GPRIN1: variants seen among roughly 807,000 people sequenced by gnomAD.
GPRIN1 encodes G protein regulated inducer of neurite outgrowth 1.
A neutral mutation model predicts 2.8 loss-of-function variants in GPRIN1; 4 were observed. That is an observed-to-expected ratio of 1.45 (90% CI 0.71 to 3.32). GPRIN1 has a LOEUF of 3.32. Ranked by LOEUF, GPRIN1 falls within the 30% of genes most tolerant of loss-of-function variation. GPRIN1 has a pLI of 0.01. For synonymous variants in GPRIN1, 589 were observed against 589.9 expected (o/e 1.00, Z 0.02); for missense variants, 1,322 against 1,343.4 (o/e 0.98, Z 0.25).
At position 176,598,565 on chromosome 5, in the gene GPRIN1, T is replaced by G. The variant is rs1759091775; in HGVS notation, c.1270A>C (p.Met424Leu). 1 of 1,614,118 alleles carries G rather than the reference T, an allele frequency of 6.2e-7. No homozygotes were observed. Among genetic ancestry groups the G allele is most frequent in the Non-Finnish European group, 8.5e-7 (1 of 1,180,026 alleles). The change falls in exon 2 of 2, where the codon ATG (methionine) becomes CTG (leucine). Residue 424 changes from methionine (M) to leucine (L), a missense_variant. Met to Leu is a conservative substitution (Grantham distance 15, BLOSUM62 2). Coordinates refer to ENST00000303991, the MANE Select transcript of GPRIN1 (RefSeq NM_052899.3). Reference sequence around the variant, plus strand: ...GGCTTTCCTGAGCACATGGGGTCCATCTTTCCCAGAGAAACTGGATCCACC... The same window carrying G: ...GGCTTTCCTGAGCACATGGGGTCCAGCTTTCCCAGAGAAACTGGATCCACC... ...GKVDPVSLGK[M>L]DPMCSGKPEL...
At chr5:176,604,854 C>T (rs1410775084) in intron 1 of GPRIN1, among the ~76,000 whole-genome samples, 1 of 152,054 alleles carries the variant, frequency 6.6e-6, no homozygotes, top group South Asian at 2.1e-4. Flanking sequence ...CTGCCTCAGC[C>T]TCCCAAGTAG....
At position 176,597,441 on chromosome 5, in the gene GPRIN1, C is replaced by G; in HGVS notation, c.2394G>C (p.Pro798=). ...PRTRDNFTKA[P]SWEASAPPPP... ...GCGGCGGGGCGCTCGCCTCCCACGA[C>G]GGCGCCTTGGTGAAGTTGTCGCGAG... is the stretch of plus-strand genomic sequence containing the variant. Residue 798 remains proline (P), a synonymous_variant, in exon 2 of 2, where the codon CCG becomes CCC. Coordinates refer to ENST00000303991, the MANE Select transcript of GPRIN1 (RefSeq NM_052899.3). The surrounding 1 kb of genome is among the most constrained non-coding windows in gnomAD (Gnocchi z 6.1). 2 of 1,305,324 alleles carry G rather than the reference C, an allele frequency of 1.5e-6. No homozygotes were observed. The highest frequency in any genetic ancestry group is 4.7e-5 in the South Asian group (2 of 42,330). The allele number at this position is 1,305,324 out of a possible 1,614,324, so 80.9% of individuals were successfully genotyped here. A position where few individuals can be genotyped will look rare whatever the true frequency, so the allele number is the denominator to read the frequency against.
chr5:176,596,483 A>G lies in GPRIN1; in HGVS notation c.*325T>C, dbSNP rs1581155576. On this transcript the variant is annotated 3_prime_UTR_variant, in exon 2 of 2. Coordinates refer to ENST00000303991, the MANE Select transcript of GPRIN1 (RefSeq NM_052899.3). The surrounding 1 kb of genome is among the most constrained non-coding windows in gnomAD (Gnocchi z 5.2). ...TCTAGACATCTCAGGAGCCTGCCCCAGCTCTCAGGGGGTGGGAGGTGAGGG... is the reference window on the plus strand; with the variant it reads ...TCTAGACATCTCAGGAGCCTGCCCCGGCTCTCAGGGGGTGGGAGGTGAGGG... 1.1e-5 allele frequency: 2 copies of G among 175,076 alleles called. No individual in the cohort carries two copies. The highest frequency in any genetic ancestry group is 2.9e-4 in the East Asian group (2 of 7,006). 10.8% of individuals were successfully genotyped at this position (175,076 alleles called of 1,614,324 possible). A position where few individuals can be genotyped will look rare whatever the true frequency, so the allele number is the denominator to read the frequency against.
intron 1 of GPRIN1, among the ~76,000 whole-genome samples, chr5:176,600,318 G>C (rs1180685086): frequency 6.6e-6 from 1 of 151,978 alleles, no homozygotes. Flanking sequence ...GGTCAGGCTG[G>C]TTTCGAACTC....
In GPRIN1 at chr5:176,599,427, T is replaced by C. The variant is rs773941381; in HGVS notation, c.408A>G (p.Lys136=). ...TGTCATCTGAGGATTTGGGCTCAGT[T>C]TTCACGGAGGACACAGGCTCTGGCT... ...SGKPEPVSSV[K]TEPKSSDDRN... The change falls in exon 2 of 2, where the codon AAA becomes AAG. Residue 136 remains lysine (K), a synonymous_variant. Coordinates refer to ENST00000303991, the MANE Select transcript of GPRIN1 (RefSeq NM_052899.3). 6.2e-7 allele frequency: 1 copy of C among 1,614,246 alleles called. No homozygotes were observed. The highest frequency in any genetic ancestry group is 8.5e-7 in the Non-Finnish European group (1 of 1,180,034).
chr5:176,600,151 G>A (rs572916794), intron 1 of GPRIN1, among the ~76,000 whole-genome samples: 9 of 152,144 alleles, frequency 5.9e-5, no homozygotes, highest in Non-Finnish European at 1.0e-4. Context: ...ACAGAGTTTC[G>A]CTCTTGTTGC....
intron 1 of GPRIN1, among the ~76,000 whole-genome samples, chr5:176,609,620 C>T (rs1759278392): frequency 6.6e-6 from 1 of 152,108 alleles, no homozygotes. Context: ...GGAGGACGCC[C>T]TCCCCCCAGT....
In GPRIN1 at chr5:176,598,244, C is replaced by T. The variant is rs150526870; in HGVS notation, c.1591G>A (p.Ala531Thr). ...PLSSEKAGLV[A>T]SGKAAPTASG... The stretch of plus-strand genomic sequence containing the variant: ...GCTGTGGGAGCCGCCTTTCCAGAGG[C>T]CACCAGACCTGCCTTCTCCGAGGAC... The change falls in exon 2 of 2, where the codon GCC becomes ACC. Residue 531 changes from alanine (A) to threonine (T), a missense_variant. Physicochemically the swap from Ala to Thr is moderately conservative, Grantham distance 58. Transcript: ENST00000303991. 3.6e-4 allele frequency: 582 copies of T among 1,612,694 alleles called. 3 individuals are homozygous for T. In the African/African-American group the frequency reaches 6.7e-3, roughly 19 times the overall value.
At chr5:176,605,929 G>A (rs1010480308) in intron 1 of GPRIN1, among the ~76,000 whole-genome samples, 6 of 152,316 alleles carry the variant, frequency 3.9e-5, no homozygotes, top group Middle Eastern at 6.8e-3. Context: ...CCTGGCTGGT[G>A]TACAGGGAGT....
At chr5:176,605,659 T>A (rs1381020686) in intron 1 of GPRIN1, among the ~76,000 whole-genome samples, 53 of 142,988 alleles carry the variant, frequency 3.7e-4, no homozygotes, top group Non-Finnish European at 7.1e-4. Context: ...AAATTAAAAT[T>A]AAAAAAAAAA....
rs763050132 is a variant in GPRIN1 at position 176,597,790 on chromosome 5, G to A, written c.2045C>T (p.Ala682Val). The A allele has an allele frequency of 6.2e-7, 1 of 1,605,132 alleles. No individual in the cohort carries two copies. Among genetic ancestry groups the A allele is most frequent in the South Asian group, 1.1e-5 (1 of 90,260 alleles). ...PGSCRKAEPL[A>V]SGKGEPVSLG... ...GGACACAGGCTCTCCCTTCCCTGAG[G>A]CAAGGGGCTCTGCTTTTCTGCAGGA... is the stretch of plus-strand genomic sequence containing the variant. The change falls in exon 2 of 2, where the codon GCC (alanine) becomes GTC (valine). Residue 682 changes from alanine to valine, a missense_variant. Around this residue, in one of 3 missense-constraint regions of GPRIN1, gnomAD observed 1,117 missense variants for 1,128.6 expected, o/e 0.99. Transcript: ENST00000303991. The surrounding 1 kb of genome is among the most constrained non-coding windows in gnomAD (Gnocchi z 6.1).
At position 176,598,265 on chromosome 5, in the gene GPRIN1, A is replaced by C. The variant is rs1759085968; in HGVS notation, c.1570T>G (p.Ser524Ala). Reference sequence around the variant, plus strand: ...GAGGCCACCAGACCTGCCTTCTCCGAGGACAGGGGATCTCCTTTTCCCCCC... The same window carrying C: ...GAGGCCACCAGACCTGCCTTCTCCGCGGACAGGGGATCTCCTTTTCCCCCC... ...ATGGKGDPLS[S>A]EKAGLVASGK... Residue 524 changes from serine (S) to alanine (A), a missense_variant, in exon 2 of 2, where the codon TCG (serine) becomes GCG (alanine). Coordinates refer to ENST00000303991, the MANE Select transcript of GPRIN1 (RefSeq NM_052899.3). The C allele has an allele frequency of 1.9e-6, 3 of 1,613,128 alleles. No homozygotes were observed. Among genetic ancestry groups the C allele is most frequent in the Non-Finnish European group, 2.5e-6 (3 of 1,179,824 alleles).
At chr5:176,603,007 C>T (rs916254045) in intron 1 of GPRIN1, among the ~76,000 whole-genome samples, 7 of 152,118 alleles carry the variant, frequency 4.6e-5, no homozygotes, top group African/African-American at 1.7e-4. Flanking sequence ...GAGCGGGGAT[C>T]TGAGGGTGGG....
chr5:176,605,976 G>A (rs1403881299), intron 1 of GPRIN1, among the ~76,000 whole-genome samples: 3 of 152,158 alleles, frequency 2.0e-5, no homozygotes, highest in Non-Finnish European at 2.9e-5. Flanking sequence ...AAGGATATAG[G>A]AAGGGTGCTC....
chr5:176,600,287 C>T lies in GPRIN1; in HGVS notation c.-43-410G>A, dbSNP rs1276391431. ...GACTACAGGCATGCGCCACCACGCC[C>T]AGCTAATTTTGTATTTTGTTGGTCA... On this transcript the variant is annotated intron_variant, in intron 1 of 1. Transcript: ENST00000303991. Among the ~76,000 whole-genome samples, 3 of 152,086 alleles carry T rather than the reference C, an allele frequency of 2.0e-5. No homozygotes were observed. In the East Asian group the frequency reaches 5.8e-4, roughly 30 times the overall value.
At chr5:176,605,363 C>T (rs988834938) in intron 1 of GPRIN1, among the ~76,000 whole-genome samples, 2 of 152,094 alleles carry the variant, frequency 1.3e-5, no homozygotes, top group African/African-American at 4.8e-5. Flanking sequence ...CAAAGTGCTG[C>T]GATTACAGGC....
chr5:176,598,322 G>A lies in GPRIN1; in HGVS notation c.1513C>T (p.Pro505Ser). 6.2e-7 allele frequency: 1 copy of A among 1,613,776 alleles called. No individual in the cohort carries two copies. The highest frequency in any genetic ancestry group is 8.5e-7 in the Non-Finnish European group (1 of 1,179,740). ...GDPRSLGTAG[P>S]PSAVKAEPAT... ...GGCTCAGCCTTTACTGCAGATGGGG[G>A]ACCTGCTGTCCCCAAGGACCTGGGA... Residue 505 changes from proline (P) to serine (S), a missense_variant, in exon 2 of 2, where the codon CCC (proline) becomes TCC (serine). Pro to Ser is a moderately conservative substitution (Grantham distance 74, BLOSUM62 -1). Transcript: ENST00000303991.
chr5:176,608,079 C>T (rs1759250321), intron 1 of GPRIN1, among the ~76,000 whole-genome samples: 1 of 151,964 alleles, frequency 6.6e-6, no homozygotes, highest in African/African-American at 2.4e-5. Context: ...GCCATCACAC[C>T]CAGCTAATCT....
At chr5:176,600,178 T>C (rs914865508) in intron 1 of GPRIN1, among the ~76,000 whole-genome samples, 1 of 152,182 alleles carries the variant, frequency 6.6e-6, no homozygotes, top group Non-Finnish European at 1.5e-5. Flanking sequence ...TGGAGTGCAA[T>C]GGCGCGATCT....
Sources: gnomAD v4.1 joint callset for allele counts (sites outside exome capture counted in the v4.1 genomes callset) on GRCh38, gnomAD v4.1.1 for gene constraint, gnomAD v4.1.1 regional missense constraint, Gnocchi (gnomAD v3.1) non-coding constraint, MANE v1.5 for transcripts, NCBI Gene and HGNC (gene_info 2026-07-23, HGNC 2026-07-21) for gene names.